Variants in PCMT1 observed in about 807,000 individuals in gnomAD.
PCMT1 encodes the protein protein-L-isoaspartate(D-aspartate) O-methyltransferase.
PCMT1 carries 9 observed loss-of-function variants against 29.2 expected under a neutral mutation model. The ratio of observed to expected loss-of-function variants is 0.31; its 90% CI spans 0.19 to 0.54. The LOEUF (loss-of-function observed/expected upper bound fraction) is 0.54, where lower values mean the gene tolerates loss of function less well. Among genes scored for constraint, PCMT1 ranks in the 20% least tolerant of loss-of-function variants. The pLI, the probability that PCMT1 is intolerant of heterozygous loss-of-function variation, is 0.95. For synonymous variants in PCMT1, 98 were observed against 97.5 expected (o/e 1.00, Z -0.03); for missense variants, 184 against 282.2 (o/e 0.65, Z 2.49).
At chr6:149,750,819 G>A (rs1368054691) in intron 1 of PCMT1, among the ~76,000 whole-genome samples, 1 of 152,002 alleles carries the variant, frequency 6.6e-6, no homozygotes. Flanking sequence ...TCGAAATATA[G>A]CGTCCCCGTT....
chr6:149,753,779 A>C (rs1786419496), intron 1 of PCMT1, among the ~76,000 whole-genome samples: 1 of 152,212 alleles, frequency 6.6e-6, no homozygotes, highest in Admixed American at 6.5e-5. Context: ...CATTTATAGA[A>C]TATTTCAGAT....
Position 149,786,581 on chromosome 6 carries a change from T to G in PCMT1, c.193-3373T>G, listed in dbSNP as rs58999735. Among the ~76,000 whole-genome samples, 42 of 38,668 alleles carry G rather than the reference T, an allele frequency of 1.1e-3. No individual in the cohort carries two copies. The East Asian group carries it at 0.021, about 19-fold the overall frequency. 25.4% of individuals were successfully genotyped at this position (38,668 alleles called of 152,430 possible). ...GACGGGGCGGTTGCCAGGCAGAGGGTCTCCTCACTTCTCAGATGGGGCGGC... is the reference window on the plus strand; with the variant it reads ...GACGGGGCGGTTGCCAGGCAGAGGGGCTCCTCACTTCTCAGATGGGGCGGC... On this transcript the variant is annotated intron_variant, in intron 3 of 7. Coordinates refer to ENST00000464889, the MANE Select transcript of PCMT1 (RefSeq NM_001360452.2).
chr6:149,810,610 T>G lies in PCMT1; in HGVS notation c.*38-6T>G, dbSNP rs193060344. On this transcript the variant is annotated splice_polypyrimidine_tract_variant and splice_region_variant and intron_variant, in intron 7 of 7. Coordinates refer to ENST00000464889, the MANE Select transcript of PCMT1 (RefSeq NM_001360452.2). Reference sequence around the variant, plus strand: ...ACTAATGTATTTCTCTCTTTTTTCCTCACAGGGATGAATTGTAAAAGCAAC... The same window carrying G: ...ACTAATGTATTTCTCTCTTTTTTCCGCACAGGGATGAATTGTAAAAGCAAC... 10 of 1,547,552 alleles carry G rather than the reference T, an allele frequency of 6.5e-6. No homozygotes were observed. The Admixed American group carries it at 2.0e-4, about 30-fold the overall frequency.
chr6:149,755,878 T>C (rs1382198572), intron 1 of PCMT1, among the ~76,000 whole-genome samples: 1 of 152,104 alleles, frequency 6.6e-6, no homozygotes, highest in Non-Finnish European at 1.5e-5. Flanking sequence ...TTTATAGTTG[T>C]AGAGAAGGCC....
intron 7 of PCMT1, among the ~76,000 whole-genome samples, chr6:149,806,439 TTAG>T (rs1776016593): frequency 1.3e-5 from 2 of 152,164 alleles, no homozygotes; most frequent in Non-Finnish European, 2.9e-5. Context: ...TAAGGCAGTG[TTAG>T]TAAGGATAGA....
chr6:149,801,092 C>G (rs1283058163), intron 6 of PCMT1, among the ~76,000 whole-genome samples: 1 of 152,110 alleles, frequency 6.6e-6, no homozygotes. Flanking sequence ...GGGTGAGTAT[C>G]CCTTCTCCAA....
chr6:149,761,598 C>T (rs1346009854), intron 1 of PCMT1, among the ~76,000 whole-genome samples: 1 of 152,168 alleles, frequency 6.6e-6, no homozygotes, highest in Non-Finnish European at 1.5e-5. Flanking sequence ...CCCCTTCCTT[C>T]ATATAGTTAT....
intron 5 of PCMT1, chr6:149,795,271 C>T (rs35385791): frequency 0.031 from 12,636 of 404,230 alleles, 287 homozygotes; most frequent in Non-Finnish European, 0.043. Flanking sequence ...CAGTTCCTCT[C>T]GTCCAAGCAG....
At chr6:149,783,194 G>A (rs531406676) in intron 3 of PCMT1, among the ~76,000 whole-genome samples, 1 of 151,780 alleles carries the variant, frequency 6.6e-6, no homozygotes, top group Non-Finnish European at 1.5e-5. Context: ...ATGCAGTGGC[G>A]TGATCTTGGC....
At chr6:149,774,538 CTT>C (rs34761342) in intron 3 of PCMT1, among the ~76,000 whole-genome samples, 82 of 116,910 alleles carry the variant, frequency 7.0e-4, no homozygotes, top group Admixed American at 1.3e-3. Context: ...TGGGCCCAGT[CTT>C]TTTTTTTTTT....
chr6:149,788,011 G>A (rs1388383915), intron 3 of PCMT1, among the ~76,000 whole-genome samples: 4 of 152,016 alleles, frequency 2.6e-5, no homozygotes, highest in African/African-American at 9.7e-5. Flanking sequence ...TCCGCCTCTC[G>A]GGTTCACGCC....
chr6:149,794,811 A>G, intron 5 of PCMT1: 1 of 485,840 alleles, frequency 2.1e-6, no homozygotes, highest in Non-Finnish European at 4.2e-6. Flanking sequence ...GAGGGACATG[A>G]GAGATCAAGA....
At chr6:149,752,930 C>T (rs1362782667) in intron 1 of PCMT1, among the ~76,000 whole-genome samples, 3 of 151,864 alleles carry the variant, frequency 2.0e-5, no homozygotes, top group African/African-American at 7.3e-5. Flanking sequence ...GGATGTTTTT[C>T]TGTCAGGAAA....
chr6:149,768,918 C>G (rs759107132), intron 1 of PCMT1, among the ~76,000 whole-genome samples: 1 of 152,176 alleles, frequency 6.6e-6, no homozygotes, highest in Middle Eastern at 3.4e-3. Flanking sequence ...TTAGCCACCG[C>G]GCCAGCCTGG....
chr6:149,792,890 T>C (rs1788428644), intron 4 of PCMT1, among the ~76,000 whole-genome samples: 1 of 151,988 alleles, frequency 6.6e-6, no homozygotes. Flanking sequence ...GCAGGGTGTG[T>C]GGTGGCTCAG....
chr6:149,761,558 T>C (rs940034042), intron 1 of PCMT1, among the ~76,000 whole-genome samples: 12 of 152,176 alleles, frequency 7.9e-5, no homozygotes, highest in Non-Finnish European at 1.6e-4. Flanking sequence ...CCTGCCAAGA[T>C]GGATGAGTAT....
chr6:149,769,805 A>G (rs1365833325), intron 1 of PCMT1, among the ~76,000 whole-genome samples: 2 of 112,184 alleles, frequency 1.8e-5, no homozygotes, highest in South Asian at 2.7e-4. Flanking sequence ...TTGTGGAGAC[A>G]GGGCCTATGT....
At position 149,765,142 on chromosome 6, in the gene PCMT1, C is replaced by T. The variant is rs184444294; in HGVS notation, c.56-6020C>T. ...TGGGAGGCCGAGGCGGGCGGATCCA[C>T]GAGGTCAGGAGATCGAGACCATCCT... On this transcript the variant is annotated intron_variant, in intron 1 of 7. Coordinates refer to ENST00000464889, the MANE Select transcript of PCMT1 (RefSeq NM_001360452.2). 3.4e-3 allele frequency among the ~76,000 whole-genome samples: 507 copies of T among 151,276 alleles called. 3 individuals carry two copies. The highest frequency in any genetic ancestry group is 0.01 in the Middle Eastern group (3 of 294).
intron 1 of PCMT1, chr6:149,750,315 G>C (rs1023821371): frequency 3.5e-6 from 1 of 285,746 alleles, no homozygotes; most frequent in African/African-American, 2.2e-5. Flanking sequence ...GGGTGGGAGC[G>C]TGTGGGCTAG....
Sources: gnomAD v4.1 joint callset for allele counts (sites outside exome capture counted in the v4.1 genomes callset) on GRCh38, gnomAD v4.1.1 for gene constraint, MANE v1.5 for transcripts, NCBI Gene and HGNC (gene_info 2026-07-23, HGNC 2026-07-21) for gene names.